The following GAB2 variants were observed in gnomAD, a reference collection of about 807,000 sequenced individuals.
GAB2 encodes GRB2-associated-binding protein 2.
Under a neutral mutation model 65.5 loss-of-function variants are expected in GAB2, and 26 were observed. The observed-to-expected ratio is 0.40, with a 90% confidence interval of 0.29 to 0.55. The LOEUF (loss-of-function observed/expected upper bound fraction) is 0.55, where lower values mean the gene tolerates loss of function less well. GAB2 is among the 20% of genes least tolerant of loss of function. The pLI, the probability that GAB2 is intolerant of heterozygous loss-of-function variation, is 0.53. For synonymous variants in GAB2, 321 were observed against 329.6 expected (o/e 0.97, Z 0.28); for missense variants, 884 against 875.8 (o/e 1.01, Z -0.12).
At chr11:78,322,245 C>A (rs1855738458) in intron 1 of GAB2, among the ~76,000 whole-genome samples, 1 of 125,814 alleles carries the variant, frequency 7.9e-6, no homozygotes, top group African/African-American at 3.1e-5. Context: ...GCGGAGGTTG[C>A]AGTGAGCCGA....
chr11:78,229,643 A>G (rs1864781887), intron 3 of GAB2, among the ~76,000 whole-genome samples: 1 of 152,184 alleles, frequency 6.6e-6, no homozygotes, highest in South Asian at 2.1e-4. Flanking sequence ...CTAACTTCCC[A>G]GTGTAAACAT....
intron 1 of GAB2, among the ~76,000 whole-genome samples, chr11:78,290,113 AAAAT>A (rs1866615997): frequency 6.6e-6 from 1 of 152,300 alleles, no homozygotes; most frequent in African/African-American, 2.4e-5. Flanking sequence ...AGAAAAATAA[AAAAT>A]AAGAGACAAG....
In GAB2 at chr11:78,216,589, C is replaced by T. The variant is rs1864158498; in HGVS notation, c.*2683G>A. On this transcript the variant is annotated 3_prime_UTR_variant, in exon 10 of 10. Transcript: ENST00000361507. ...TTTTGGTAGTTACCAGAATAGGGGG[C>T]TGGAAGGAAGCCTCCTGGTAGTTAC... is the stretch of plus-strand genomic sequence containing the variant. 2 of 149,352 alleles carry T rather than the reference C, an allele frequency of 1.3e-5. No individual in the cohort carries two copies. The highest frequency in any genetic ancestry group is 2.9e-5 in the Non-Finnish European group (2 of 67,868). The allele number at this position is 149,352 out of a possible 1,614,324, so 9.3% of individuals were successfully genotyped here.
At chr11:78,248,201 G>A (rs1401045778) in intron 3 of GAB2, among the ~76,000 whole-genome samples, 1 of 152,184 alleles carries the variant, frequency 6.6e-6, no homozygotes, top group Non-Finnish European at 1.5e-5. Context: ...GTGAATTCCA[G>A]GTAGGAAGAT....
At chr11:78,253,896 G>C (rs1865525767) in intron 2 of GAB2, among the ~76,000 whole-genome samples, 1 of 152,186 alleles carries the variant, frequency 6.6e-6, no homozygotes, top group Admixed American at 6.5e-5. Flanking sequence ...AGTTTCCTCA[G>C]TATTACAATA....
rs1006647356 is a variant in GAB2, at chr11:78,235,544, C to G, written c.621-8493G>C. ...ATAAAATTGAATGCCTTTAACGATACCCAAGTCACCTCTTGAATGCTTTGC... is the reference window on the plus strand; with the variant it reads ...ATAAAATTGAATGCCTTTAACGATAGCCAAGTCACCTCTTGAATGCTTTGC... On this transcript the variant is annotated intron_variant, in intron 3 of 9. Transcript: ENST00000361507. 3.3e-5 allele frequency among the ~76,000 whole-genome samples: 5 copies of G among 152,308 alleles called. No individual in the cohort carries two copies. The East Asian group carries it at 7.7e-4, about 24-fold the overall frequency.
intron 1 of GAB2, among the ~76,000 whole-genome samples, chr11:78,323,060 A>C (rs371701499): frequency 6.6e-6 from 1 of 152,246 alleles, no homozygotes; most frequent in South Asian, 2.1e-4. Context: ...AAAGACAGGG[A>C]ATCAACCTAG....
chr11:78,384,398 T>C (rs923238272), intron 1 of GAB2, among the ~76,000 whole-genome samples: 7 of 152,186 alleles, frequency 4.6e-5, no homozygotes, highest in Non-Finnish European at 8.8e-5. Flanking sequence ...ACTGAACCGC[T>C]TGAGGCTATC....
At chr11:78,285,502 G>A (rs958194185) in intron 1 of GAB2, among the ~76,000 whole-genome samples, 1 of 152,054 alleles carries the variant, frequency 6.6e-6, no homozygotes, top group African/African-American at 2.4e-5. Context: ...TATATTTTTA[G>A]AGTACCCAGG....
rs536582167 is a variant in GAB2, at chr11:78,222,215, T to C, written c.1568-20A>G. ...GCTTTGCTGGAGCAGGAAAAGAAAGTCTGGTAATCAGCCAGTAATGATAAT... is the reference window on the plus strand; with the variant it reads ...GCTTTGCTGGAGCAGGAAAAGAAAGCCTGGTAATCAGCCAGTAATGATAAT... On this transcript the variant is annotated intron_variant, in intron 6 of 9. Coordinates refer to ENST00000361507, the MANE Select transcript of GAB2 (RefSeq NM_080491.3). 1.9e-6 allele frequency: 3 copies of C among 1,549,922 alleles called. No individual in the cohort carries two copies. Among genetic ancestry groups the C allele is most frequent in the Non-Finnish European group, 2.7e-6 (3 of 1,121,484 alleles).
chr11:78,367,109 C>T (rs763809211), intron 1 of GAB2, among the ~76,000 whole-genome samples: 170 of 152,142 alleles, frequency 1.1e-3, no homozygotes, highest in Non-Finnish European at 1.5e-3. Flanking sequence ...TAAAGGGGAA[C>T]ATAGCTCAAA....
chr11:78,317,473 T>C (rs1855631977), intron 1 of GAB2, among the ~76,000 whole-genome samples: 1 of 148,380 alleles, frequency 6.7e-6, no homozygotes, highest in Non-Finnish European at 1.5e-5. Flanking sequence ...ATCGGGATAA[T>C]CGCTTGAACC....
intron 3 of GAB2, among the ~76,000 whole-genome samples, chr11:78,229,924 T>G (rs140224817): frequency 1.5e-4 from 23 of 152,360 alleles, no homozygotes; most frequent in African/African-American, 5.5e-4. Context: ...AGGCCATTCT[T>G]ACATCCTCTA....
At chr11:78,361,500 C>G (rs1425833723) in intron 1 of GAB2, among the ~76,000 whole-genome samples, 1 of 150,952 alleles carries the variant, frequency 6.6e-6, no homozygotes, top group Non-Finnish European at 1.5e-5. Flanking sequence ...CTAAAATTCA[C>G]AATTCCTATT....
chr11:78,252,461 A>C (rs1365197365), intron 2 of GAB2, among the ~76,000 whole-genome samples: 4 of 152,174 alleles, frequency 2.6e-5, no homozygotes, highest in African/African-American at 9.7e-5. Flanking sequence ...CCATGGAAAG[A>C]ATACAAGCTA....
At chr11:78,242,579 G>A (rs973945942) in intron 3 of GAB2, among the ~76,000 whole-genome samples, 1 of 151,912 alleles carries the variant, frequency 6.6e-6, no homozygotes, top group South Asian at 2.1e-4. Context: ...ACATACCAAA[G>A]CCTATGGAAT....
At chr11:78,383,971 C>G (rs141784956) in intron 1 of GAB2, among the ~76,000 whole-genome samples, 109 of 152,262 alleles carry the variant, frequency 7.2e-4, no homozygotes, top group African/African-American at 2.5e-3. Flanking sequence ...GAGCAGAGAG[C>G]TTCACTGCCC....
In GAB2 at chr11:78,215,720, C is replaced by T. The variant is rs1010179795; in HGVS notation, c.*3552G>A. On this transcript the variant is annotated 3_prime_UTR_variant, in exon 10 of 10. Coordinates refer to ENST00000361507, the MANE Select transcript of GAB2 (RefSeq NM_080491.3). ...TCTTGGGGACCCCCTCGGCAGGTAC[C>T]CCATTGTGGTCCCAGGTCCTAAACA... 2 of 152,346 alleles carry T rather than the reference C, an allele frequency of 1.3e-5. No homozygotes were observed. The highest frequency in any genetic ancestry group is 2.9e-5 in the Non-Finnish European group (2 of 68,054). 9.4% of individuals were successfully genotyped at this position (152,346 alleles called of 1,614,324 possible). A position where few individuals can be genotyped will look rare whatever the true frequency, so the allele number is the denominator to read the frequency against.
At chr11:78,388,512 G>C (rs1856796264) in intron 1 of GAB2, among the ~76,000 whole-genome samples, 1 of 151,704 alleles carries the variant, frequency 6.6e-6, no homozygotes, top group Non-Finnish European at 1.5e-5. Context: ...ATTTTTTGTA[G>C]AGACAGTGTC....
Sources: allele counts gnomAD v4.1 joint callset (sites outside exome capture counted in the v4.1 genomes callset), GRCh38; gene constraint gnomAD v4.1.1; transcripts MANE v1.5; gene names NCBI Gene and HGNC (gene_info 2026-07-23, HGNC 2026-07-21).